Variants in CASZ1 observed in about 807,000 individuals in gnomAD.
The protein encoded by CASZ1 is castor zinc finger 1.
In CASZ1, 28 loss-of-function variants were observed where a neutral mutation model predicts 135.2. That is an observed-to-expected ratio of 0.21 (90% CI 0.15 to 0.28). CASZ1 has a LOEUF of 0.28. Ranked by LOEUF, CASZ1 falls within the 10% of genes least tolerant of loss-of-function variation. The pLI is 1.00. For missense variants in CASZ1, 2,161 were observed against 2,453.3 expected (o/e 0.88, Z 2.52); for synonymous variants, 1,068 against 1,073.4 (o/e 0.99, Z 0.10).
chr1:10,640,216 G>GC, intron 20 of CASZ1, 157 bp from the exon 21 acceptor site: 3 of 1,045,040 alleles, frequency 2.9e-6, no homozygotes, highest in Non-Finnish European at 2.7e-6. Flanking sequence ...CTCCTGCCCC[G>GC]CCCCCTCCCT....
intron 2 of CASZ1, among the ~76,000 whole-genome samples, chr1:10,738,924 T>TG (rs1410700306): frequency 6.7e-6 from 1 of 148,534 alleles, no homozygotes; most frequent in African/African-American, 2.5e-5. Context: ...GAAGGTTTTT[T>TG]TTTTTTTTTT....
chr1:10,699,856 G>A lies in CASZ1; in HGVS notation c.-24+5636C>T, dbSNP rs1413685923. Among the ~76,000 whole-genome samples, 5 of 152,158 alleles carry A rather than the reference G, an allele frequency of 3.3e-5. No individual in the cohort carries two copies. The highest frequency in any genetic ancestry group is 3.3e-4 in the Admixed American group (5 of 15,288). On this transcript the variant is annotated intron_variant, in intron 3 of 20. Coordinates refer to ENST00000377022, the MANE Select transcript of CASZ1 (RefSeq NM_001079843.3). This position sits in a 1 kb window ranked among gnomAD's most constrained non-coding sequence, Gnocchi z 4.6. Reference sequence around the variant, plus strand: ...TTTCCCAGTTTTTGTGAGTTCAAGAGTGTGGCCACAAAAACTTTAAAAAAA... The same window carrying A: ...TTTCCCAGTTTTTGTGAGTTCAAGAATGTGGCCACAAAAACTTTAAAAAAA...
intron 2 of CASZ1, among the ~76,000 whole-genome samples, chr1:10,754,998 C>T (rs1252129079): frequency 1.3e-5 from 2 of 152,254 alleles, no homozygotes. Flanking sequence ...CATAGCAAGG[C>T]CCAGGCTCAG....
At position 10,749,215 on chromosome 1, in the gene CASZ1, C is replaced by T. The variant is rs141934742; in HGVS notation, c.-77+11486G>A. On this transcript the variant is annotated intron_variant, in intron 2 of 20. Coordinates refer to ENST00000377022, the MANE Select transcript of CASZ1 (RefSeq NM_001079843.3). ...CTGTCCCCATCTTGCAACCACATGG[C>T]GGCTTCACATTCCACCCTCCCTCCA... Among the ~76,000 whole-genome samples the T allele has an allele frequency of 5.8e-3, 887 of 152,128 alleles. 2 individuals carry two copies. The highest frequency in any genetic ancestry group is 0.011 in the Non-Finnish European group (715 of 67,974).
chr1:10,655,544 G>C (rs879568973), intron 9 of CASZ1, 105 bp downstream of exon 9: 2 of 1,092,764 alleles, frequency 1.8e-6, no homozygotes, highest in African/African-American at 1.6e-5. Flanking sequence ...ATCAACTGGG[G>C]TCCCTGCCCA....
chr1:10,710,810 G>A (rs1000648806), intron 2 of CASZ1, among the ~76,000 whole-genome samples: 58 of 152,248 alleles, frequency 3.8e-4, no homozygotes, highest in Admixed American at 3.3e-3. Flanking sequence ...TGTGCGTGAC[G>A]CTGTGCCAGG....
rs930233865 is a variant in CASZ1, at chr1:10,794,433, G to T, written c.-234+2131C>A. Among the ~76,000 whole-genome samples, 10 of 151,858 alleles carry T rather than the reference G, an allele frequency of 6.6e-5. No homozygotes were observed. The highest frequency in any genetic ancestry group is 1.2e-4 in the Non-Finnish European group (8 of 67,964). ...AGGGCCGCACCCCCACACTCCACTC[G>T]GTCAGAAACGCACACTCCGCCCCGT... On this transcript the variant is annotated intron_variant, in intron 1 of 20. Coordinates refer to ENST00000377022, the MANE Select transcript of CASZ1 (RefSeq NM_001079843.3). The surrounding 1 kb of genome is among the most constrained non-coding windows in gnomAD (Gnocchi z 5.6).
rs1224532673 is a variant in CASZ1 at position 10,794,525 on chromosome 1, G to A, written c.-234+2039C>T. 2.0e-5 allele frequency among the ~76,000 whole-genome samples: 3 copies of A among 152,128 alleles called. No homozygotes were observed. The highest frequency in any genetic ancestry group is 7.2e-5 in the African/African-American group (3 of 41,432). ...AGGCGCTACTGCCGCTTTTCCGGTG[G>A]GCACGCACCCGCACCCGCACCGTAG... On this transcript the variant is annotated intron_variant, in intron 1 of 20. Coordinates refer to ENST00000377022, the MANE Select transcript of CASZ1 (RefSeq NM_001079843.3). The surrounding 1 kb of genome is among the most constrained non-coding windows in gnomAD (Gnocchi z 5.6).
rs961461518 is a variant in CASZ1 at position 10,706,775 on chromosome 1, G to C, written c.-76-1231C>G. Among the ~76,000 whole-genome samples the C allele has an allele frequency of 6.6e-6, 1 of 152,168 alleles. No homozygotes were observed. The highest frequency in any genetic ancestry group is 6.5e-5 in the Admixed American group (1 of 15,288). ...ATACAGGGCTCTGGGAGGGCTGAGA[G>C]CCCGGTGGGTTGGTGGTTAGGAAGT... On this transcript the variant is annotated intron_variant, in intron 2 of 20. Transcript: ENST00000377022. This position sits in a 1 kb window ranked among gnomAD's most constrained non-coding sequence, Gnocchi z 4.3.
rs373908985 is a variant in CASZ1 at position 10,749,253 on chromosome 1, A to ATTTTTTTTTTTT, written c.-77+11436_-77+11447dup. Among the ~76,000 whole-genome samples the ATTTTTTTTTTTT allele has an allele frequency of 2.1e-5, 3 of 139,810 alleles. No homozygotes were observed. In the South Asian group the frequency reaches 6.8e-4, roughly 32 times the overall value. The allele number at this position is 139,810 out of a possible 152,430, so 91.7% of individuals were successfully genotyped here. ...CACCCTCCCTCCATCTTTCCCCCCT[A>ATTTTTTTTTTTT]TTTTTTTTTTTTGAGACAGAGTCTC... On this transcript the variant is annotated intron_variant, in intron 2 of 20. Transcript: ENST00000377022.
rs1323923210 is a variant in CASZ1 at position 10,757,796 on chromosome 1, A to G, written c.-77+2905T>C. On this transcript the variant is annotated intron_variant, in intron 2 of 20. Coordinates refer to ENST00000377022, the MANE Select transcript of CASZ1 (RefSeq NM_001079843.3). The surrounding 1 kb of genome is among the most constrained non-coding windows in gnomAD (Gnocchi z 4.6). ...GAGTGAGACTCCATCTCAAACAAAA[A>G]ACAAAAAACAGAAAACCATCACATC... Among the ~76,000 whole-genome samples the G allele has an allele frequency of 6.6e-6, 1 of 152,136 alleles. No individual in the cohort carries two copies. The highest frequency in any genetic ancestry group is 1.5e-5 in the Non-Finnish European group (1 of 68,032).
At chr1:10,763,136 C>G (rs907453960) in intron 1 of CASZ1, among the ~76,000 whole-genome samples, 5 of 152,228 alleles carry the variant, frequency 3.3e-5, no homozygotes, top group Admixed American at 1.3e-4. Context: ...GGGCACAGGC[C>G]GCGGGGCCTT....
intron 1 of CASZ1, among the ~76,000 whole-genome samples, chr1:10,765,902 C>G (rs1640466714): frequency 6.6e-6 from 1 of 152,208 alleles, no homozygotes; most frequent in Non-Finnish European, 1.5e-5. Flanking sequence ...CACCCCTCCC[C>G]CACTTTAATT....
intron 18 of CASZ1, 70 bp downstream of exon 18, chr1:10,644,847 G>T: frequency 1.3e-6 from 2 of 1,513,174 alleles, no homozygotes; most frequent in Non-Finnish European, 1.8e-6. Flanking sequence ...AGGAGAGGCG[G>T]CCCAGGCCAC....
intron 2 of CASZ1, among the ~76,000 whole-genome samples, chr1:10,723,233 C>T (rs932593632): frequency 6.6e-6 from 1 of 152,152 alleles, no homozygotes; most frequent in Non-Finnish European, 1.5e-5. Context: ...ATCTGAACAC[C>T]CAGCCAGAGG....
At chr1:10,684,809 G>A (rs1638534633) in intron 4 of CASZ1, among the ~76,000 whole-genome samples, 1 of 152,252 alleles carries the variant, frequency 6.6e-6, no homozygotes, top group African/African-American at 2.4e-5. Context: ...TGATGACACA[G>A]GGCCTCTCAT....
intron 2 of CASZ1, among the ~76,000 whole-genome samples, chr1:10,729,288 G>A (rs1238539106): frequency 2.0e-5 from 3 of 152,218 alleles, no homozygotes; most frequent in African/African-American, 7.2e-5. Flanking sequence ...GCTTCCTGGG[G>A]GAGGAGGACC....
At chr1:10,772,171 G>A (rs1180192848) in intron 1 of CASZ1, among the ~76,000 whole-genome samples, 1 of 152,218 alleles carries the variant, frequency 6.6e-6, no homozygotes, top group African/African-American at 2.4e-5. Flanking sequence ...GAGGAAGGAG[G>A]AGAAGGGGCA....
chr1:10,646,006 T>G lies in CASZ1; in HGVS notation c.3696+122A>C. On this transcript the variant is annotated intron_variant, in intron 17 of 20. Coordinates refer to ENST00000377022, the MANE Select transcript of CASZ1 (RefSeq NM_001079843.3). The surrounding 1 kb of genome is among the most constrained non-coding windows in gnomAD (Gnocchi z 6.4). ...CTCTTTCCAGAGTCCGGGAGGCCCA[T>G]TTAAATAAGCAAGGTGTGAGAAATG... The G allele has an allele frequency of 3.1e-6, 3 of 980,112 alleles. No homozygotes were observed. Among genetic ancestry groups the G allele is most frequent in the African/African-American group, 1.6e-5 (1 of 62,238 alleles). The allele number at this position is 980,112 out of a possible 1,614,324, so 60.7% of individuals were successfully genotyped here. A position where few individuals can be genotyped will look rare whatever the true frequency, so the allele number is the denominator to read the frequency against.
Sources: allele counts gnomAD v4.1 joint callset (sites outside exome capture counted in the v4.1 genomes callset), GRCh38; gene constraint gnomAD v4.1.1; non-coding constraint Gnocchi (gnomAD v3.1); transcripts MANE v1.5; gene names NCBI Gene and HGNC (gene_info 2026-07-23, HGNC 2026-07-21).